Variants in LRP1B observed in about 807,000 individuals in gnomAD.
The protein encoded by LRP1B is low-density lipoprotein receptor-related protein 1B.
LRP1B carries 217 observed loss-of-function variants against 556.6 expected under a neutral mutation model. The ratio of observed to expected loss-of-function variants is 0.39; its 90% CI spans 0.35 to 0.44. The LOEUF (loss-of-function observed/expected upper bound fraction) is 0.44. Ranked by LOEUF, LRP1B falls within the 20% of genes least tolerant of loss-of-function variation. LRP1B has a pLI of 1.00. For missense variants in LRP1B, 5,053 were observed against 5,620.8 expected, an observed-to-expected ratio of 0.90 and a Z score of 3.23; for synonymous variants, 2,047 against 1,865.8, an observed-to-expected ratio of 1.10 and a Z score of -2.50.
At chr2:141,705,905 T>C (rs1692119132) in intron 2 of LRP1B, among the ~76,000 whole-genome samples, 1 of 152,060 alleles carries the variant, frequency 6.6e-6, no homozygotes, top group South Asian at 2.1e-4. Flanking sequence ...TGCCATTCAA[T>C]GATTATCATA....
intron 7 of LRP1B, among the ~76,000 whole-genome samples, chr2:141,135,355 A>C (rs1170903170): frequency 1.3e-5 from 2 of 152,022 alleles, no homozygotes; most frequent in Admixed American, 1.3e-4. Flanking sequence ...TGAAATCTAA[A>C]GAACAATGAG....
intron 51 of LRP1B, among the ~76,000 whole-genome samples, chr2:140,512,448 A>G (rs961750615): frequency 7.9e-5 from 12 of 152,284 alleles, no homozygotes; most frequent in African/African-American, 2.4e-4. Context: ...GAAGAAAGAC[A>G]AGTTGATAAA....
chr2:140,848,295 C>G (rs1056013955), intron 29 of LRP1B, among the ~76,000 whole-genome samples: 1 of 152,122 alleles, frequency 6.6e-6, no homozygotes, highest in Admixed American at 6.6e-5. Flanking sequence ...TAAAAAAATT[C>G]TGAACAAAGA....
chr2:140,524,890 A>C (rs1690365026), intron 49 of LRP1B, among the ~76,000 whole-genome samples: 1 of 151,880 alleles, frequency 6.6e-6, no homozygotes, highest in Non-Finnish European at 1.5e-5. Context: ...AAACCTCAGC[A>C]TCATGCAGTA....
At chr2:141,694,983 C>A (rs1025815497) in intron 2 of LRP1B, among the ~76,000 whole-genome samples, 1 of 151,952 alleles carries the variant, frequency 6.6e-6, no homozygotes, top group African/African-American at 2.4e-5. Context: ...AGCAAGGTAA[C>A]ATTCCTCTAA....
intron 27 of LRP1B, among the ~76,000 whole-genome samples, chr2:140,854,869 T>C (rs1692567139): frequency 6.6e-6 from 1 of 152,198 alleles, no homozygotes; most frequent in African/African-American, 2.4e-5. Context: ...TTACAGAGGC[T>C]ATAAACTTCT....
chr2:141,962,333 T>A (rs544567855), intron 1 of LRP1B, among the ~76,000 whole-genome samples: 2 of 151,804 alleles, frequency 1.3e-5, no homozygotes, highest in South Asian at 4.1e-4. Flanking sequence ...AACAAAGACA[T>A]CTTTCATCTA....
At chr2:142,010,378 C>G (rs1702918241) in intron 1 of LRP1B, among the ~76,000 whole-genome samples, 1 of 151,758 alleles carries the variant, frequency 6.6e-6, no homozygotes, top group Admixed American at 6.6e-5. Flanking sequence ...CACGGTGAAA[C>G]CCCGTCTCTA....
intron 86 of LRP1B, among the ~76,000 whole-genome samples, chr2:140,251,451 T>C (rs1271981608): frequency 6.6e-6 from 1 of 151,848 alleles, no homozygotes; most frequent in African/African-American, 2.4e-5. Flanking sequence ...TGGTCTAGAG[T>C]CACCCACTTT....
chr2:140,429,085 T>C lies in LRP1B; in HGVS notation c.10414+13419A>G, dbSNP rs559700483. Among the ~76,000 whole-genome samples, 7 of 152,020 alleles carry C rather than the reference T, an allele frequency of 4.6e-5. No homozygotes were observed. The South Asian group carries it at 1.2e-3, about 27-fold the overall frequency. ...GCAACGGATCATGCACCCCTTACCA[T>C]CTCATTAAAACCTAATCACCCTTAC... On this transcript the variant is annotated intron_variant, in intron 66 of 90. Coordinates refer to ENST00000389484, the MANE Select transcript of LRP1B (RefSeq NM_018557.3).
chr2:141,743,588 G>T (rs986782380), intron 2 of LRP1B, among the ~76,000 whole-genome samples: 8 of 149,494 alleles, frequency 5.4e-5, no homozygotes, highest in Non-Finnish European at 8.9e-5. Flanking sequence ...GATGCCACTG[G>T]GTCCCAGGCT....
intron 11 of LRP1B, among the ~76,000 whole-genome samples, chr2:141,033,195 A>T (rs1698429985): frequency 6.6e-6 from 1 of 151,818 alleles, no homozygotes; most frequent in African/African-American, 2.4e-5. Flanking sequence ...AGTGTGCACG[A>T]ACAGTGGTGG....
intron 3 of LRP1B, among the ~76,000 whole-genome samples, chr2:141,374,660 C>T (rs1386108781): frequency 6.6e-6 from 1 of 151,958 alleles, no homozygotes; most frequent in African/African-American, 2.4e-5. Context: ...TGATCTAGTC[C>T]ATCATTGAAG....
intron 3 of LRP1B, among the ~76,000 whole-genome samples, chr2:141,328,528 T>C (rs1687515693): frequency 6.6e-6 from 1 of 152,204 alleles, no homozygotes; most frequent in African/African-American, 2.4e-5. Context: ...ACCCAAGATA[T>C]AACTTCAGGG....
intron 15 of LRP1B, 72 bp from the exon 16 acceptor site, chr2:140,994,207 A>G (rs2105359486): frequency 7.1e-7 from 1 of 1,404,766 alleles, no homozygotes; most frequent in Non-Finnish European, 9.9e-7. Context: ...TAAATCTTGT[A>G]GAGTTTTTTG....
intron 2 of LRP1B, among the ~76,000 whole-genome samples, chr2:141,490,632 T>C (rs1683297517): frequency 6.6e-6 from 1 of 152,140 alleles, no homozygotes; most frequent in African/African-American, 2.4e-5. Context: ...TTGAGTGTGT[T>C]GCTTTCTGAC....
chr2:140,807,542 G>T (rs575121464), intron 32 of LRP1B, among the ~76,000 whole-genome samples: 1 of 143,794 alleles, frequency 7.0e-6, no homozygotes, highest in African/African-American at 2.5e-5. Flanking sequence ...TAGTAGAGAT[G>T]GGGTTTCACC....
At position 140,329,363 on chromosome 2, in the gene LRP1B, C is replaced by T. The variant is rs141644889; in HGVS notation, c.12224-3485G>A. Among the ~76,000 whole-genome samples, 613 of 152,212 alleles carry T rather than the reference C, an allele frequency of 4.0e-3. 2 individuals are homozygous for T. The highest frequency in any genetic ancestry group is 5.5e-3 in the Non-Finnish European group (377 of 67,992). ...ACAAAGATGCCCTCTCTCACCACTC[C>T]TATTCCACACAGAATTGGAATTTCT... is the stretch of plus-strand genomic sequence containing the variant. On this transcript the variant is annotated intron_variant, in intron 79 of 90. Coordinates refer to ENST00000389484, the MANE Select transcript of LRP1B (RefSeq NM_018557.3).
At chr2:140,679,395 A>G (rs1685785255) in intron 41 of LRP1B, among the ~76,000 whole-genome samples, 1 of 152,214 alleles carries the variant, frequency 6.6e-6, no homozygotes, top group African/African-American at 2.4e-5. Context: ...AAGTGGAATT[A>G]TTTCTAGAGC....
Sources: gnomAD v4.1 joint callset for allele counts (sites outside exome capture counted in the v4.1 genomes callset) on GRCh38, gnomAD v4.1.1 for gene constraint, MANE v1.5 for transcripts, NCBI Gene and HGNC (gene_info 2026-07-23, HGNC 2026-07-21) for gene names.